Variants in EFL1 observed in about 807,000 individuals in gnomAD.
EFL1 encodes the protein elongation factor-like GTPase 1.
EFL1 carries 76 observed loss-of-function variants against 126.7 expected under a neutral mutation model. That is an observed-to-expected ratio of 0.60 (90% CI 0.50 to 0.73). The LOEUF (loss-of-function observed/expected upper bound fraction) is 0.73. Among genes scored for constraint, EFL1 ranks in the 30% least tolerant of loss-of-function variants. The pLI, the probability that EFL1 is intolerant of heterozygous loss-of-function variation, is 0.00. For synonymous variants in EFL1, 410 were observed against 448.4 expected (o/e 0.91, Z 1.08); for missense variants, 1,128 against 1,343.2 (o/e 0.84, Z 2.50).
chr15:82,156,297 A>AT (rs912574661), intron 17 of EFL1, among the ~76,000 whole-genome samples: 7 of 151,590 alleles, frequency 4.6e-5, no homozygotes, highest in South Asian at 2.1e-4. Flanking sequence ...CAGTTATTCT[A>AT]TTTTTTTTGA....
At position 82,219,823 on chromosome 15, in the gene EFL1, C is replaced by T. The variant is rs1301072652; in HGVS notation, c.1445-5G>A. 1 of 1,597,062 alleles carries T rather than the reference C, an allele frequency of 6.3e-7. No homozygotes were observed. The highest frequency in any genetic ancestry group is 8.5e-7 in the Non-Finnish European group (1 of 1,175,104). ...TTTCCACCTGTTGCTCGTCACCTGA[C>T]AGAAACAAAAAGATAATTAGTGCCA... On this transcript the variant is annotated splice_polypyrimidine_tract_variant and splice_region_variant and intron_variant, in intron 13 of 19. Coordinates refer to ENST00000268206, the MANE Select transcript of EFL1 (RefSeq NM_024580.6).
At chr15:82,261,665 A>G (rs1320101749) in intron 2 of EFL1, 23 bp downstream of exon 2, 1 of 1,605,450 alleles carries the variant, frequency 6.2e-7, no homozygotes, top group African/African-American at 1.3e-5. Context: ...TATCAAAATA[A>G]GCCATTTAAA....
At chr15:82,206,470 T>C (rs2074526196) in intron 15 of EFL1, among the ~76,000 whole-genome samples, 1 of 152,162 alleles carries the variant, frequency 6.6e-6, no homozygotes, top group Admixed American at 6.5e-5. Context: ...AATATTATTA[T>C]GGGATCAAGG....
At chr15:82,245,625 T>C (rs779434649) in intron 4 of EFL1, among the ~76,000 whole-genome samples, 3 of 151,888 alleles carry the variant, frequency 2.0e-5, no homozygotes, top group Non-Finnish European at 4.4e-5. Flanking sequence ...TGAAGGGTGG[T>C]TGACTCTGAT....
intron 15 of EFL1, among the ~76,000 whole-genome samples, chr15:82,202,308 T>C (rs568480307): frequency 3.6e-4 from 52 of 144,946 alleles, no homozygotes; most frequent in Admixed American, 1.2e-3. Flanking sequence ...TTAAATTCTT[T>C]GGATTAAAAA....
intron 4 of EFL1, among the ~76,000 whole-genome samples, chr15:82,248,162 C>A (rs557021531): frequency 6.6e-6 from 1 of 152,108 alleles, no homozygotes; most frequent in Non-Finnish European, 1.5e-5. Flanking sequence ...ATATGAGACA[C>A]CTAGCTCAGA....
rs560480379 is a variant in EFL1, at chr15:82,207,309, C to T, written c.1750+7408G>A. On this transcript the variant is annotated intron_variant, in intron 15 of 19. Transcript: ENST00000268206. The stretch of plus-strand genomic sequence containing the variant: ...GTGTATATATATATATATATATATA[C>T]ACACACACATATAACATATATAGAT... Among the ~76,000 whole-genome samples the T allele has an allele frequency of 8.0e-3, 1,038 of 130,040 alleles. 5 individuals are homozygous for T. The highest frequency in any genetic ancestry group is 0.023 in the Admixed American group (299 of 13,062). The allele number at this position is 130,040 out of a possible 152,430, so 85.3% of individuals were successfully genotyped here.
chr15:82,215,153 C>T (rs372113871), intron 14 of EFL1, among the ~76,000 whole-genome samples: 38 of 152,320 alleles, frequency 2.5e-4, no homozygotes, highest in African/African-American at 8.4e-4. Context: ...CTGATCCTCA[C>T]AGTCCCTTGT....
intron 15 of EFL1, among the ~76,000 whole-genome samples, chr15:82,202,121 CT>C (rs1310497460): frequency 6.6e-6 from 1 of 152,172 alleles, no homozygotes; most frequent in Non-Finnish European, 1.5e-5. Flanking sequence ...AGTTTTGAAT[CT>C]TTGCAACACT....
intron 15 of EFL1, among the ~76,000 whole-genome samples, chr15:82,172,094 G>T (rs578118689): frequency 7.0e-6 from 1 of 143,314 alleles, no homozygotes; most frequent in East Asian, 2.0e-4. Context: ...AAAAAAAAAA[G>T]AATCTCATTG....
At chr15:82,251,656 A>T (rs970380548) in intron 4 of EFL1, among the ~76,000 whole-genome samples, 6 of 152,170 alleles carry the variant, frequency 3.9e-5, no homozygotes, top group African/African-American at 9.7e-5. Flanking sequence ...AAAAAAATGA[A>T]GCGTTAAACA....
At position 82,227,480 on chromosome 15, in the gene EFL1, A is replaced by G. The variant is rs751619664; in HGVS notation, c.1162T>C (p.Phe388Leu). ...MCTGSQTFDSFPPETQALKAA... is the reference protein window; with the variant it reads ...MCTGSQTFDSLPPETQALKAA... Reference sequence around the variant, plus strand: ...TTCAGTGCTTGAGTTTCTGGTGGAAAAGAGTCAAAAGTTTGTGATCCTGTG... The same window carrying G: ...TTCAGTGCTTGAGTTTCTGGTGGAAGAGAGTCAAAAGTTTGTGATCCTGTG... Residue 388 changes from phenylalanine (F) to leucine (L), a missense_variant, in exon 11 of 20, where the codon TTT becomes CTT. By Grantham distance (22) the Phe-to-Leu change is conservative. Coordinates refer to ENST00000268206, the MANE Select transcript of EFL1 (RefSeq NM_024580.6). 5 of 1,614,168 alleles carry G rather than the reference A, an allele frequency of 3.1e-6. No individual in the cohort carries two copies. The Admixed American group carries it at 5.0e-5, about 16-fold the overall frequency.
chr15:82,140,612 C>T (rs2073776324), intron 18 of EFL1, among the ~76,000 whole-genome samples: 1 of 152,202 alleles, frequency 6.6e-6, no homozygotes, highest in South Asian at 2.1e-4. Context: ...CTAAGGCCAT[C>T]TCTAAGCCAG....
chr15:82,202,905 G>A (rs112777488), intron 15 of EFL1, among the ~76,000 whole-genome samples: 56 of 151,282 alleles, frequency 3.7e-4, no homozygotes, highest in African/African-American at 1.3e-3. Context: ...TCCGCCTCCC[G>A]GTTTCAAGTG....
At chr15:82,233,059 T>C (rs1384272933) in intron 7 of EFL1, among the ~76,000 whole-genome samples, 1 of 152,210 alleles carries the variant, frequency 6.6e-6, no homozygotes, top group Non-Finnish European at 1.5e-5. Flanking sequence ...ATCAAAATCA[T>C]AAATTATAGT....
chr15:82,207,717 A>T (rs1224763080), intron 15 of EFL1, among the ~76,000 whole-genome samples: 1 of 120,450 alleles, frequency 8.3e-6, no homozygotes, highest in Non-Finnish European at 1.7e-5. Context: ...TAATTGATTG[A>T]TTGATTTTTT....
At chr15:82,163,691 A>G (rs912502723) in intron 16 of EFL1, among the ~76,000 whole-genome samples, 162 bp downstream of exon 16, 30 of 152,192 alleles carry the variant, frequency 2.0e-4, no homozygotes, top group African/African-American at 5.5e-4. Flanking sequence ...CATGTTCCTA[A>G]GACAGAAGTT....
Position 82,134,477 on chromosome 15 carries a change from A to G in EFL1, c.3175-3916T>C, listed in dbSNP as rs1418655548. Among the ~76,000 whole-genome samples the G allele has an allele frequency of 3.9e-5, 6 of 152,314 alleles. No homozygotes were observed. The East Asian group carries it at 1.2e-3, about 29-fold the overall frequency. ...GGGGATGCCATTTTCTAATCATAAG[A>G]AGGCACCCAAGTGCAAACTGTTACC... On this transcript the variant is annotated intron_variant, in intron 19 of 19. Coordinates refer to ENST00000268206, the MANE Select transcript of EFL1 (RefSeq NM_024580.6).
intron 15 of EFL1, among the ~76,000 whole-genome samples, chr15:82,180,359 CAAAA>C (rs71156028): frequency 2.5e-5 from 3 of 120,610 alleles, no homozygotes; most frequent in African/African-American, 1.0e-4. Flanking sequence ...ATTAAACTGG[CAAAA>C]AAAAAAAAAC....
Sources: gnomAD v4.1 joint callset for allele counts (sites outside exome capture counted in the v4.1 genomes callset) on GRCh38, gnomAD v4.1.1 for gene constraint, MANE v1.5 for transcripts, NCBI Gene and HGNC (gene_info 2026-07-23, HGNC 2026-07-21) for gene names.